CHSY1: variants seen among roughly 807,000 people sequenced by gnomAD.
CHSY1 encodes the protein N-acetylgalactosaminyl-proteoglycan 3-beta-glucuronosyltransferase 1.
CHSY1 carries 13 observed loss-of-function variants against 59.8 expected under a neutral mutation model. The ratio of observed to expected loss-of-function variants is 0.22; its 90% CI spans 0.14 to 0.35. The LOEUF (loss-of-function observed/expected upper bound fraction) is 0.35, where lower values mean the gene tolerates loss of function less well. Among genes scored for constraint, CHSY1 ranks in the 10% least tolerant of loss-of-function variants. The pLI is 1.00. For missense variants in CHSY1, 947 were observed against 1,030.6 expected, an observed-to-expected ratio of 0.92 and a Z score of 1.11; for synonymous variants, 459 against 401.2, an observed-to-expected ratio of 1.14 and a Z score of -1.72.
At chr15:101,223,418 T>C (rs1463491439) in intron 2 of CHSY1, among the ~76,000 whole-genome samples, 1 of 152,264 alleles carries the variant, frequency 6.6e-6, no homozygotes, top group Non-Finnish European at 1.5e-5. Context: ...AAATCATCAA[T>C]TACAGAAACA....
chr15:101,197,998 G>A (rs1302664698), intron 2 of CHSY1, among the ~76,000 whole-genome samples: 1 of 152,070 alleles, frequency 6.6e-6, no homozygotes, highest in Non-Finnish European at 1.5e-5. Context: ...CCGTCACGTC[G>A]CACAGACTGC....
chr15:101,242,332 C>T (rs2141280066), intron 1 of CHSY1, among the ~76,000 whole-genome samples: 1 of 152,342 alleles, frequency 6.6e-6, no homozygotes, highest in East Asian at 1.9e-4. Context: ...TCTCAGGAGC[C>T]ACCACTTCAA....
chr15:101,178,002 T>C lies in CHSY1; in HGVS notation c.1795A>G (p.Met599Val). The C allele has an allele frequency of 2.5e-6, 4 of 1,614,246 alleles. No individual in the cohort carries two copies. Among genetic ancestry groups the C allele is most frequent in the Non-Finnish European group, 3.4e-6 (4 of 1,180,048 alleles). ...DYRIKYPKADMQILPVSGEFS... is the reference protein window; with the variant it reads ...DYRIKYPKADVQILPVSGEFS... ...TCTCCAGACACAGGCAAAATCTGCA[T>C]GTCGGCTTTAGGGTACTTAATGCGG... The change falls in exon 3 of 3, where the codon ATG becomes GTG. Residue 599 changes from methionine (M) to valine (V), a missense_variant. Physicochemically the swap from Met to Val is conservative, Grantham distance 21 (BLOSUM62 1). Transcript: ENST00000254190.
chr15:101,177,348 A>C lies in CHSY1; in HGVS notation c.*40T>G, dbSNP rs1457507366. 2 of 1,584,004 alleles carry C rather than the reference A, an allele frequency of 1.3e-6. No homozygotes were observed. The highest frequency in any genetic ancestry group is 1.7e-6 in the Non-Finnish European group (2 of 1,169,650). Reference sequence around the variant, plus strand: ...CATACAAAAAATTTTTGAAAAATAAATTAGATAATTAAAAACGTCTTTTCC... The same window carrying C: ...CATACAAAAAATTTTTGAAAAATAACTTAGATAATTAAAAACGTCTTTTCC... On this transcript the variant is annotated 3_prime_UTR_variant, in exon 3 of 3. Coordinates refer to ENST00000254190, the MANE Select transcript of CHSY1 (RefSeq NM_014918.5).
intron 2 of CHSY1, among the ~76,000 whole-genome samples, chr15:101,189,966 C>A (rs916492271): frequency 3.3e-5 from 5 of 152,228 alleles, no homozygotes; most frequent in African/African-American, 9.6e-5. Context: ...GGGGTCCCAA[C>A]CCAGCTTTGG....
intron 2 of CHSY1, among the ~76,000 whole-genome samples, chr15:101,209,975 T>G (rs573052203): frequency 1.3e-5 from 2 of 152,336 alleles, no homozygotes; most frequent in African/African-American, 4.8e-5. Flanking sequence ...TACAAGTTAG[T>G]GTCGTTAAAA....
chr15:101,222,411 C>A (rs540133502), intron 2 of CHSY1, among the ~76,000 whole-genome samples: 1 of 152,164 alleles, frequency 6.6e-6, no homozygotes, highest in Non-Finnish European at 1.5e-5. Context: ...AGCTTCACCC[C>A]GCTTCTTCTG....
At chr15:101,221,124 G>C (rs1297875340) in intron 2 of CHSY1, among the ~76,000 whole-genome samples, 1 of 152,158 alleles carries the variant, frequency 6.6e-6, no homozygotes, top group Non-Finnish European at 1.5e-5. Flanking sequence ...TAGGAGCTTT[G>C]CTGTGTTCAC....
chr15:101,240,985 C>T (rs1480116484), intron 1 of CHSY1, among the ~76,000 whole-genome samples: 1 of 152,180 alleles, frequency 6.6e-6, no homozygotes, highest in African/African-American at 2.4e-5. Context: ...TGTGATGTGG[C>T]TTACCAAGGG....
chr15:101,233,275 C>A (rs2038908612), intron 2 of CHSY1, among the ~76,000 whole-genome samples: 1 of 152,206 alleles, frequency 6.6e-6, no homozygotes, highest in African/African-American at 2.4e-5. Context: ...TGATCAAACT[C>A]AAGAGACTGG....
chr15:101,185,492 G>A lies in CHSY1; in HGVS notation c.817-6512C>T, dbSNP rs113979565. On this transcript the variant is annotated intron_variant, in intron 2 of 2. Transcript: ENST00000254190. ...CCCTCCATCCTCCTTCCCTGTGAAC[G>A]CCCTCCATGGAGCACCCTCCATCCC... is the stretch of plus-strand genomic sequence containing the variant. 5.1e-3 allele frequency among the ~76,000 whole-genome samples: 466 copies of A among 91,280 alleles called. 3 individuals are homozygous for A. The highest frequency in any genetic ancestry group is 0.018 in the African/African-American group (389 of 21,776). The allele number at this position is 91,280 out of a possible 152,430, so 59.9% of individuals were successfully genotyped here.
At chr15:101,179,030 T>TGGCAA in intron 2 of CHSY1, 50 bp from the exon 3 acceptor site, 1 of 1,539,214 alleles carries the variant, frequency 6.5e-7, no homozygotes, top group Non-Finnish European at 9.0e-7. Context: ...TATGATTGAG[T>TGGCAA]GCCAGCACAT....
chr15:101,218,352 T>C (rs1306634693), intron 2 of CHSY1, among the ~76,000 whole-genome samples: 2 of 152,198 alleles, frequency 1.3e-5, no homozygotes, highest in Non-Finnish European at 2.9e-5. Context: ...ATCCCAGCCC[T>C]TTGGGAGGCT....
chr15:101,241,337 C>T (rs1161900169), intron 1 of CHSY1, among the ~76,000 whole-genome samples: 1 of 152,236 alleles, frequency 6.6e-6, no homozygotes, highest in Non-Finnish European at 1.5e-5. Context: ...GATCCGCCCA[C>T]CTCGGCCTCC....
At chr15:101,229,235 AAATT>A (rs1260527467) in intron 2 of CHSY1, among the ~76,000 whole-genome samples, 1 of 152,252 alleles carries the variant, frequency 6.6e-6, no homozygotes, top group Non-Finnish European at 1.5e-5. Context: ...TATTAAATGC[AAATT>A]AATTAAATAC....
intron 2 of CHSY1, among the ~76,000 whole-genome samples, chr15:101,199,360 G>A (rs780238225): frequency 7.9e-5 from 12 of 152,172 alleles, no homozygotes; most frequent in East Asian, 1.9e-4. Flanking sequence ...AAAATTAGCC[G>A]GGCGTGGTAG....
chr15:101,179,051 A>T, intron 2 of CHSY1, 71 bp from the exon 3 acceptor site: 1 of 1,463,908 alleles, frequency 6.8e-7, no homozygotes, highest in South Asian at 1.1e-5. Context: ...GCTAAAGAAA[A>T]TGCAAATATT....
chr15:101,240,062 T>G (rs4147440), intron 1 of CHSY1, among the ~76,000 whole-genome samples: 1 of 152,240 alleles, frequency 6.6e-6, no homozygotes, highest in African/African-American at 2.4e-5. Flanking sequence ...ACCCAATTAT[T>G]ATCTGTTCCT....
At chr15:101,194,196 TG>T (rs760294780) in intron 2 of CHSY1, among the ~76,000 whole-genome samples, 42 of 152,354 alleles carry the variant, frequency 2.8e-4, no homozygotes, top group Non-Finnish European at 5.7e-4. Context: ...AATCTAAGAA[TG>T]GGTAACTTCT....
Sources: gnomAD v4.1 joint callset for allele counts (sites outside exome capture counted in the v4.1 genomes callset) on GRCh38, gnomAD v4.1.1 for gene constraint, MANE v1.5 for transcripts, NCBI Gene and HGNC (gene_info 2026-07-23, HGNC 2026-07-21) for gene names.